Variants in RUFY3 observed in about 807,000 individuals in gnomAD.
The protein encoded by RUFY3 is RUN and FYVE domain containing 3.
A neutral mutation model predicts 84.0 loss-of-function variants in RUFY3; 34 were observed. The ratio of observed to expected loss-of-function variants is 0.40; its 90% CI spans 0.31 to 0.54. The LOEUF is 0.54. Ranked by LOEUF, RUFY3 falls within the 20% of genes least tolerant of loss-of-function variation. RUFY3 has a pLI of 0.39. For missense variants in RUFY3, 507 were observed against 736.8 expected (o/e 0.69, Z 3.61); for synonymous variants, 242 against 252.9 (o/e 0.96, Z 0.41).
At chr4:70,782,892 A>T (rs1319492401) in intron 8 of RUFY3, among the ~76,000 whole-genome samples, 199 bp from the exon 9 acceptor site, 1 of 152,142 alleles carries the variant, frequency 6.6e-6, no homozygotes, top group African/African-American at 2.4e-5. Context: ...AGGCTGGGCA[A>T]TAGAGTGAGG....
Position 70,793,910 on chromosome 4 carries a change from G to T in RUFY3, c.1457+6G>T. On this transcript the variant is annotated splice_donor_region_variant and intron_variant, in intron 13 of 17. Transcript: ENST00000381006. ...GAGGAGCTCACCAGGCAGCGGTGAA[G>T]AGGGGGTAGCTTGAGCTGACAGGGT... The T allele has an allele frequency of 6.2e-7, 1 of 1,613,772 alleles. No homozygotes were observed. The highest frequency in any genetic ancestry group is 8.5e-7 in the Non-Finnish European group (1 of 1,179,878).
At chr4:70,791,785 T>G in intron 12 of RUFY3, 1 of 986,862 alleles carries the variant, frequency 1.0e-6, no homozygotes, top group East Asian at 1.1e-4. Flanking sequence ...TCTTAGACCA[T>G]GACCCCTTTT....
intron 14 of RUFY3, 78 bp from the exon 15 acceptor site, chr4:70,800,063 A>G: frequency 7.3e-7 from 1 of 1,378,898 alleles, no homozygotes; most frequent in Non-Finnish European, 1.0e-6. Flanking sequence ...AAACTAAGGC[A>G]TTGCAGAAGA....
At chr4:70,771,179 G>A (rs767588629) in intron 5 of RUFY3, among the ~76,000 whole-genome samples, 2 of 152,132 alleles carry the variant, frequency 1.3e-5, no homozygotes, top group Non-Finnish European at 2.9e-5. Context: ...GTGAAACCGA[G>A]ACATGAAGCG....
At chr4:70,705,356 G>T in intron 1 of RUFY3, 3 of 1,198,880 alleles carry the variant, frequency 2.5e-6, no homozygotes, top group Non-Finnish European at 3.2e-6. Context: ...GGGGAGGGCC[G>T]GCCCGGCCCC....
chr4:70,774,644 A>AT (rs1305120705), intron 6 of RUFY3, among the ~76,000 whole-genome samples: 247 of 56,322 alleles, frequency 4.4e-3, no homozygotes, highest in Non-Finnish European at 6.2e-3. Context: ...AAAAAAAAAA[A>AT]ATATATATAT....
chr4:70,704,884 C>T lies in RUFY3; in HGVS notation c.-53C>T, dbSNP rs902316935. 3.0e-4 allele frequency: 345 copies of T among 1,150,320 alleles called. 1 individual carries two copies. In the African/African-American group the frequency reaches 5.0e-3, roughly 17 times the overall value. 71.3% of individuals were successfully genotyped at this position (1,150,320 alleles called of 1,614,324 possible). On this transcript the variant is annotated 5_prime_UTR_variant, in exon 1 of 12. Coordinates refer to the RUFY3 transcript ENST00000417478. ...GGCTCCTCGCCCTGACCCTCTGCTC[C>T]CCCGCCCAGGCCCGGGCGCGAATCG...
intron 1 of RUFY3, among the ~76,000 whole-genome samples, chr4:70,707,046 A>G (rs571161813): frequency 2.6e-5 from 4 of 152,354 alleles, no homozygotes; most frequent in South Asian, 2.1e-4. Context: ...AACAGTATCA[A>G]TTGTGGGAAT....
chr4:70,781,602 T>G (rs889547613), intron 8 of RUFY3, among the ~76,000 whole-genome samples: 1 of 152,282 alleles, frequency 6.6e-6, no homozygotes, highest in Non-Finnish European at 1.5e-5. Flanking sequence ...GATTTTGGAA[T>G]GACCTGCCTG....
upstream of RUFY3, among the ~76,000 whole-genome samples, chr4:70,717,946 G>C (rs561042131): frequency 2.1e-5 from 3 of 142,692 alleles, no homozygotes; most frequent in East Asian, 6.1e-4. Flanking sequence ...GCAGTGGCGC[G>C]ATCTTGGCTT....
At chr4:70,797,850 T>A (rs1731720320) in intron 14 of RUFY3, among the ~76,000 whole-genome samples, 1 of 151,012 alleles carries the variant, frequency 6.6e-6, no homozygotes, top group Non-Finnish European at 1.5e-5. Context: ...CTCAAAAAAA[T>A]AAAAAAATAA....
At chr4:70,779,427 T>G (rs1298308384) in intron 8 of RUFY3, among the ~76,000 whole-genome samples, 1 of 152,072 alleles carries the variant, frequency 6.6e-6, no homozygotes, top group African/African-American at 2.4e-5. Context: ...AACAGAAAAA[T>G]AACCTCATGT....
chr4:70,797,232 C>T (rs935126009), intron 14 of RUFY3, among the ~76,000 whole-genome samples: 1 of 152,076 alleles, frequency 6.6e-6, no homozygotes, highest in Non-Finnish European at 1.5e-5. Flanking sequence ...CATGAGCCAC[C>T]GTGCCCAGCC....
chr4:70,707,555 T>G (rs1740479620), intron 1 of RUFY3, among the ~76,000 whole-genome samples: 1 of 152,180 alleles, frequency 6.6e-6, no homozygotes, highest in South Asian at 2.1e-4. Context: ...CGGTATGGTG[T>G]TTTTTGTTAC....
rs1732930023 is a variant in RUFY3, at chr4:70,807,143, G to A, written c.*484G>A. 6.6e-6 allele frequency: 1 copy of A among 152,176 alleles called. No homozygotes were observed. The highest frequency in any genetic ancestry group is 1.5e-5 in the Non-Finnish European group (1 of 68,120). 9.4% of individuals were successfully genotyped at this position (152,176 alleles called of 1,614,324 possible). A position where few individuals can be genotyped will look rare whatever the true frequency, so the allele number is the denominator to read the frequency against. ...TAAACATTGTTTCCTCTTCACCCCT[G>A]CTAACTACCTCTTTAAAGTATTTCT... On this transcript the variant is annotated 3_prime_UTR_variant, in exon 18 of 18. Coordinates refer to ENST00000381006, the MANE Select transcript of RUFY3 (RefSeq NM_001037442.4).
chr4:70,782,911 CAGAAAAATAA>C (rs1729188190), intron 8 of RUFY3, among the ~76,000 whole-genome samples, 170 bp from the exon 9 acceptor site: 1 of 151,998 alleles, frequency 6.6e-6, no homozygotes, highest in African/African-American at 2.4e-5. Flanking sequence ...GGCCCTGTCT[CAGAAAAATAA>C]AGAAAAATAT....
intron 1 of RUFY3, among the ~76,000 whole-genome samples, chr4:70,740,783 AT>A (rs34764443): frequency 5.9e-5 from 9 of 151,392 alleles, no homozygotes; most frequent in African/African-American, 1.5e-4. Flanking sequence ...AACTCACAGT[AT>A]TTTTTTTTCT....
At chr4:70,725,194 G>A (rs907155161) in intron 1 of RUFY3, among the ~76,000 whole-genome samples, 2 of 152,124 alleles carry the variant, frequency 1.3e-5, no homozygotes, top group African/African-American at 4.8e-5. Context: ...CCTTCACTGA[G>A]CAGTCCGCAG....
chr4:70,741,497 T>A, intron 1 of RUFY3: 4 of 633,260 alleles, frequency 6.3e-6, no homozygotes, highest in Non-Finnish European at 1.0e-5. Context: ...ATCGCTGTGA[T>A]AAGTAGAAAG....
Sources: allele counts gnomAD v4.1 joint callset (sites outside exome capture counted in the v4.1 genomes callset), GRCh38; gene constraint gnomAD v4.1.1; transcripts MANE v1.5; gene names NCBI Gene and HGNC (gene_info 2026-07-23, HGNC 2026-07-21).